The following MYH11 variants were observed in gnomAD, a reference collection of about 807,000 sequenced individuals.
MYH11 encodes myosin-11.
A neutral mutation model predicts 246.6 loss-of-function variants in MYH11; 80 were observed. That is an observed-to-expected ratio of 0.32 (90% CI 0.27 to 0.39). MYH11 has a LOEUF of 0.39. Ranked by LOEUF, MYH11 falls within the 10% of genes least tolerant of loss-of-function variation. The probability of loss-of-function intolerance (pLI) is 1.00; values close to 1 mark genes in which losing one functional copy is unlikely to be tolerated. For missense variants in MYH11, 2,158 were observed against 2,546.8 expected (o/e 0.85, Z 3.29); for synonymous variants, 1,071 against 1,015.5 (o/e 1.05, Z -1.04).
chr16:15,787,191 G>T (rs1166995297), intron 4 of MYH11, among the ~76,000 whole-genome samples: 1 of 152,212 alleles, frequency 6.6e-6, no homozygotes, highest in East Asian at 1.9e-4. Context: ...AGGATCACTC[G>T]AGTCCAGGAG....
intron 1 of MYH11, among the ~76,000 whole-genome samples, chr16:15,839,100 C>T (rs1367547821): frequency 3.3e-5 from 5 of 151,782 alleles, no homozygotes; most frequent in Non-Finnish European, 1.5e-5. Flanking sequence ...GTCTCAGCTA[C>T]TTGGGAGGCT....
Position 15,715,154 on chromosome 16 carries a change from C to T in MYH11, c.5613+10G>A. 1.2e-6 allele frequency: 2 copies of T among 1,613,238 alleles called. No individual in the cohort carries two copies. Among genetic ancestry groups the T allele is most frequent in the Non-Finnish European group, 1.7e-6 (2 of 1,179,980 alleles). On this transcript the variant is annotated intron_variant, in intron 39 of 40. Coordinates refer to ENST00000300036, the MANE Select transcript of MYH11 (RefSeq NM_002474.3). ...TGGGGGCTCGAGGGAGGCTGGGTGGCAGGGGCTACCTGCTCCTTGTACTGC... is the reference window on the plus strand; with the variant it reads ...TGGGGGCTCGAGGGAGGCTGGGTGGTAGGGGCTACCTGCTCCTTGTACTGC...
At chr16:15,773,622 C>T (rs1210819550) in intron 8 of MYH11, among the ~76,000 whole-genome samples, 1 of 152,084 alleles carries the variant, frequency 6.6e-6, no homozygotes, top group African/African-American at 2.4e-5. Flanking sequence ...ATATATAAGG[C>T]TTATATCACA....
At chr16:15,751,230 G>A (rs540845700) in intron 15 of MYH11, among the ~76,000 whole-genome samples, 1 of 151,228 alleles carries the variant, frequency 6.6e-6, no homozygotes, top group Non-Finnish European at 1.5e-5. Flanking sequence ...GCGTGATCTC[G>A]GCTCACCACA....
At chr16:15,801,812 C>T (rs1023092007) in intron 3 of MYH11, among the ~76,000 whole-genome samples, 1 of 151,974 alleles carries the variant, frequency 6.6e-6, no homozygotes, top group Non-Finnish European at 1.5e-5. Context: ...CAAAAATTAG[C>T]TGGGCATGGT....
chr16:15,804,126 C>T (rs1471210290), intron 3 of MYH11, among the ~76,000 whole-genome samples: 1 of 152,180 alleles, frequency 6.6e-6, no homozygotes, highest in South Asian at 2.1e-4. Flanking sequence ...ATTTCTTCTG[C>T]CCAGTGCACC....
In MYH11 at chr16:15,834,833, G is replaced by A. The variant is rs534095330; in HGVS notation, c.345+3075C>T. On this transcript the variant is annotated intron_variant, in intron 2 of 40. Coordinates refer to ENST00000300036, the MANE Select transcript of MYH11 (RefSeq NM_002474.3). ...ACCCGTAATCCCAGCGCCGTGAAAA[G>A]TCAAGGCAGGAGATGGCTTGAGGCC... Among the ~76,000 whole-genome samples the A allele has an allele frequency of 2.0e-5, 3 of 151,948 alleles. No individual in the cohort carries two copies. The East Asian group carries it at 5.8e-4, about 29-fold the overall frequency.
At chr16:15,749,906 A>AATGT (rs2041518524) in intron 16 of MYH11, 1 of 606,908 alleles carries the variant, frequency 1.6e-6, no homozygotes, top group East Asian at 2.8e-5. Flanking sequence ...TGAATGAATG[A>AATGT]GTGGCTGGAT....
At chr16:15,738,363 A>G (rs2041181768) in intron 24 of MYH11, among the ~76,000 whole-genome samples, 1 of 151,978 alleles carries the variant, frequency 6.6e-6, no homozygotes, top group African/African-American at 2.4e-5. Flanking sequence ...ATAAAAAAAA[A>G]TTAGCTGGGT....
At chr16:15,789,335 G>C (rs867607386) in intron 4 of MYH11, among the ~76,000 whole-genome samples, 39 of 152,262 alleles carry the variant, frequency 2.6e-4, no homozygotes, top group Middle Eastern at 6.8e-3. Context: ...ACAGTACTAG[G>C]CTTTGGGCTC....
chr16:15,793,960 T>C (rs1417461585), intron 4 of MYH11, among the ~76,000 whole-genome samples: 1 of 135,504 alleles, frequency 7.4e-6, no homozygotes, highest in East Asian at 2.2e-4. Flanking sequence ...TTTTTTTTTT[T>C]TGAGACAGAG....
chr16:15,724,481 C>T, intron 30 of MYH11, 72 bp from the exon 31 acceptor site: 1 of 1,609,412 alleles, frequency 6.2e-7, no homozygotes, highest in Admixed American at 1.7e-5. Flanking sequence ...CCCACAGACT[C>T]TGAGAAGCGA....
chr16:15,843,554 G>A (rs1268360882), intron 1 of MYH11, among the ~76,000 whole-genome samples: 9 of 151,298 alleles, frequency 5.9e-5, no homozygotes, highest in African/African-American at 1.7e-4. Context: ...TTAGCCGGGC[G>A]TGGTGGCGGC....
chr16:15,784,803 G>T, intron 5 of MYH11: 1 of 1,517,628 alleles, frequency 6.6e-7, no homozygotes, highest in South Asian at 1.2e-5. Context: ...ATATGACTTT[G>T]ATCCCCCCAA....
chr16:15,845,019 C>T (rs2044150107), intron 1 of MYH11, among the ~76,000 whole-genome samples: 1 of 152,178 alleles, frequency 6.6e-6, no homozygotes. Context: ...TGTAAAGACA[C>T]CCAGACTTTG....
Position 15,717,153 on chromosome 16 carries a change from C to T in MYH11, c.5491G>A (p.Glu1831Lys), listed in dbSNP as rs750433973. Residue 1831 changes from glutamate (E) to lysine (K), a missense_variant, in exon 38 of 41, where the codon GAG (glutamate) becomes AAG (lysine). Coordinates refer to ENST00000300036, the MANE Select transcript of MYH11 (RefSeq NM_002474.3). ...ACACCCGCATACCTGGCCTCCTGCT[C>T]GACCTGCTCCTCCAGCTGTGCAATC... ...AKIAQLEEQV[E>K]QEAREKQAAT... The T allele has an allele frequency of 7.4e-6, 12 of 1,614,070 alleles. No individual in the cohort carries two copies. Among genetic ancestry groups the T allele is most frequent in the African/African-American group, 1.3e-5 (1 of 74,922 alleles).
intron 40 of MYH11, chr16:15,712,924 C>T (rs1443501824): frequency 8.7e-6 from 1 of 115,384 alleles, no homozygotes; most frequent in Non-Finnish European, 1.9e-5. Flanking sequence ...GTCACCCAGG[C>T]TGGACTGCAA....
rs530934352 is a variant in MYH11, at chr16:15,778,177, G to A, written c.790+603C>T. Reference sequence around the variant, plus strand: ...ATTTCTAACTTGGCTCCACTTCACCGCTCAGGTTCATGAAAGAGATGCTCT... The same window carrying A: ...ATTTCTAACTTGGCTCCACTTCACCACTCAGGTTCATGAAAGAGATGCTCT... On this transcript the variant is annotated intron_variant, in intron 7 of 40. Transcript: ENST00000300036. Among the ~76,000 whole-genome samples the A allele has an allele frequency of 2.0e-4, 31 of 152,252 alleles. 1 individual carries two copies. Among genetic ancestry groups the A allele is most frequent in the Middle Eastern group, 3.4e-3 (1 of 294 alleles).
At position 15,737,529 on chromosome 16, in the gene MYH11, G is replaced by A. The variant is rs374947185; in HGVS notation, c.3213C>T (p.Ile1071=). Residue 1071 remains isoleucine (I), a synonymous_variant, in exon 25 of 41, where the codon ATC becomes ATT. Coordinates refer to ENST00000300036, the MANE Select transcript of MYH11 (RefSeq NM_002474.3). ...CTGCGATCTGCGCCTGGAGGTCAGCGATCTGCTCGTGGAAGTCGCTGGCAT... is the reference window on the plus strand; with the variant it reads ...CTGCGATCTGCGCCTGGAGGTCAGCAATCTGCTCGTGGAAGTCGCTGGCAT... ...EGDASDFHEQ[I]ADLQAQIAEL... 19 of 1,613,912 alleles carry A rather than the reference G, an allele frequency of 1.2e-5. No individual in the cohort carries two copies. The highest frequency in any genetic ancestry group is 1.6e-5 in the Non-Finnish European group (19 of 1,180,044).
Sources: gnomAD v4.1 joint callset for allele counts (sites outside exome capture counted in the v4.1 genomes callset) on GRCh38, gnomAD v4.1.1 for gene constraint, MANE v1.5 for transcripts, NCBI Gene and HGNC (gene_info 2026-07-23, HGNC 2026-07-21) for gene names.